TASP1: variants seen among roughly 807,000 people sequenced by gnomAD.
The protein encoded by TASP1 is threonine aspartase 1.
In TASP1, 16 loss-of-function variants were observed where a neutral mutation model predicts 56.6. The ratio of observed to expected loss-of-function variants is 0.28; its 90% CI spans 0.19 to 0.43. The LOEUF (loss-of-function observed/expected upper bound fraction) is 0.43, where lower values mean the gene tolerates loss of function less well. Among genes scored for constraint, TASP1 ranks in the 20% least tolerant of loss-of-function variants. The probability of loss-of-function intolerance (pLI) is 1.00; values close to 1 mark genes in which losing one functional copy is unlikely to be tolerated. For synonymous variants in TASP1, 179 were observed against 184.2 expected (o/e 0.97, Z 0.23); for missense variants, 393 against 511.6 (o/e 0.77, Z 2.24).
At chr20:13,157,815 T>A in the TASP1 span, among the ~76,000 whole-genome samples, 1 of 152,338 alleles carries the variant, frequency 6.6e-6, no homozygotes, top group Admixed American at 6.5e-5. Flanking sequence ...GAAGTTTATA[T>A]GTAGAGACAT....
chr20:13,153,941 C>T, the TASP1 span: 2 of 1,591,152 alleles, frequency 1.3e-6, no homozygotes, highest in Non-Finnish European at 1.7e-6. Context: ...GCCAAGTTGA[C>T]CGGACCTTTA....
At chr20:13,193,252 T>C in the TASP1 span, among the ~76,000 whole-genome samples, 1 of 152,074 alleles carries the variant, frequency 6.6e-6, no homozygotes, top group Admixed American at 6.5e-5. Flanking sequence ...AATGTGACTA[T>C]TATATCAATA....
intron 12 of TASP1, among the ~76,000 whole-genome samples, chr20:13,434,745 T>C (rs916523691): frequency 2.0e-5 from 3 of 152,136 alleles, no homozygotes; most frequent in African/African-American, 7.2e-5. Flanking sequence ...CTCAAATGCT[T>C]TGTGGAATAA....
chr20:13,255,293 G>A, the TASP1 span, among the ~76,000 whole-genome samples: 362 of 152,284 alleles, frequency 2.4e-3, 4 homozygotes, highest in Admixed American at 0.018. Context: ...TGCTCTTTTT[G>A]TTGTTAGCAA....
At chr20:13,221,073 G>A in the TASP1 span, among the ~76,000 whole-genome samples, 1 of 152,074 alleles carries the variant, frequency 6.6e-6, no homozygotes, top group Non-Finnish European at 1.5e-5. Context: ...GGCCCTCCCC[G>A]GGACTCCGAG....
At chr20:13,433,533 A>AAAAAC (rs1249092938) in intron 12 of TASP1, among the ~76,000 whole-genome samples, 2,059 of 150,782 alleles carry the variant, frequency 0.014, 76 homozygotes, top group African/African-American at 0.046. Context: ...AAAAAAAAAA[A>AAAAAC]AAAAAAAATA....
At chr20:13,456,525 T>C (rs2146323077) in intron 11 of TASP1, among the ~76,000 whole-genome samples, 1 of 152,298 alleles carries the variant, frequency 6.6e-6, no homozygotes, top group South Asian at 2.1e-4. Context: ...AAGACTGCAT[T>C]GACACTGTTA....
At chr20:13,118,141 T>G in the TASP1 span, among the ~76,000 whole-genome samples, 1 of 152,036 alleles carries the variant, frequency 6.6e-6, no homozygotes. Context: ...TTCTGAAAAC[T>G]ATAAGCATTA....
intron 11 of TASP1, among the ~76,000 whole-genome samples, chr20:13,477,388 A>T (rs928202647): frequency 1.3e-5 from 2 of 152,154 alleles, no homozygotes; most frequent in African/African-American, 4.8e-5. Context: ...CTTAGTTCAG[A>T]AATTCAAAGA....
the TASP1 span, among the ~76,000 whole-genome samples, chr20:13,334,060 C>G: frequency 6.6e-6 from 1 of 152,162 alleles, no homozygotes; most frequent in African/African-American, 2.4e-5. Flanking sequence ...AAACAAGTAC[C>G]ATGGGAACAC....
chr20:13,319,248 A>C, the TASP1 span, among the ~76,000 whole-genome samples: 1 of 152,192 alleles, frequency 6.6e-6, no homozygotes, highest in East Asian at 1.9e-4. Flanking sequence ...AATTGCAGAA[A>C]ACCAAACAAG....
At chr20:13,433,953 T>C (rs1299639918) in intron 12 of TASP1, among the ~76,000 whole-genome samples, 1 of 152,086 alleles carries the variant, frequency 6.6e-6, no homozygotes, top group Non-Finnish European at 1.5e-5. Flanking sequence ...TGTAACATTG[T>C]TGAATCTAAC....
chr20:13,311,272 G>GATAGAAAAA, the TASP1 span, among the ~76,000 whole-genome samples: 1 of 151,236 alleles, frequency 6.6e-6, no homozygotes. Context: ...TAGATAGATA[G>GATAGAAAAA]ATAGATAGAT....
the TASP1 span, among the ~76,000 whole-genome samples, chr20:13,325,260 T>A: frequency 1.2e-4 from 18 of 152,324 alleles, 1 homozygote; most frequent in African/African-American, 4.3e-4. Flanking sequence ...ATCAAGAAGT[T>A]AGAGGTCTCA....
chr20:13,447,712 T>C (rs535313348), intron 11 of TASP1, among the ~76,000 whole-genome samples: 2 of 152,216 alleles, frequency 1.3e-5, no homozygotes, highest in East Asian at 3.9e-4. Flanking sequence ...TTTCAGATGT[T>C]TTATGTGAGA....
At chr20:13,300,448 T>G in the TASP1 span, 1 of 152,186 alleles carries the variant, frequency 6.6e-6, no homozygotes, top group Non-Finnish European at 1.5e-5. Flanking sequence ...ATCTTAGTTT[T>G]TTATGTTTTA....
At chr20:13,221,687 G>T in the TASP1 span, 1 of 1,130,932 alleles carries the variant, frequency 8.8e-7, no homozygotes, top group South Asian at 3.4e-5. Flanking sequence ...CGCGCTGCCG[G>T]GCTCCCGGGC....
intron 8 of TASP1, among the ~76,000 whole-genome samples, chr20:13,550,069 G>C (rs1443342822): frequency 6.6e-6 from 1 of 151,496 alleles, no homozygotes; most frequent in Non-Finnish European, 1.5e-5. Context: ...GACGACCTGG[G>C]AAGAAACTCA....
intron 4 of TASP1, among the ~76,000 whole-genome samples, chr20:13,603,740 C>T (rs1016694057): frequency 6.6e-6 from 1 of 152,178 alleles, no homozygotes; most frequent in Non-Finnish European, 1.5e-5. Context: ...TGAAAACATG[C>T]TTAGCATCAT....
Sources: allele counts gnomAD v4.1 joint callset (sites outside exome capture counted in the v4.1 genomes callset), GRCh38; gene constraint gnomAD v4.1.1; transcripts MANE v1.5; gene names NCBI Gene and HGNC (gene_info 2026-07-23, HGNC 2026-07-21).